Variants in SYNDIG1 observed in about 807,000 individuals in gnomAD.
SYNDIG1 encodes synapse differentiation inducing 1, also known as synapse differentiation-inducing gene protein 1.
A neutral mutation model predicts 19.4 loss-of-function variants in SYNDIG1; 9 were observed. That is an observed-to-expected ratio of 0.46 (90% CI 0.28 to 0.81). The LOEUF (loss-of-function observed/expected upper bound fraction) is 0.81, where lower values mean the gene tolerates loss of function less well. SYNDIG1 is among the 30% of genes least tolerant of loss of function. The pLI is 0.12. For missense variants in SYNDIG1, 311 were observed against 343.3 expected (o/e 0.91, Z 0.74); for synonymous variants, 141 against 145.9 (o/e 0.97, Z 0.24).
chr20:24,654,675 A>C (rs1489045669), intron 3 of SYNDIG1, among the ~76,000 whole-genome samples: 1 of 150,740 alleles, frequency 6.6e-6, no homozygotes, highest in Non-Finnish European at 1.5e-5. Context: ...GAAGGAAGGA[A>C]GGAAGGAAGG....
intron 1 of SYNDIG1, among the ~76,000 whole-genome samples, chr20:24,530,826 G>A (rs752651029): frequency 2.8e-5 from 4 of 142,318 alleles, no homozygotes; most frequent in Non-Finnish European, 4.5e-5. Flanking sequence ...TTTTTTTTTC[G>A]GAGACGGAGT....
intron 1 of SYNDIG1, among the ~76,000 whole-genome samples, chr20:24,513,690 GA>G (rs1403848877): frequency 2.0e-5 from 3 of 152,108 alleles, no homozygotes; most frequent in Admixed American, 6.6e-5. Context: ...AACCAAGTTG[GA>G]AAACACTCTG....
chr20:24,664,879 C>T lies in SYNDIG1; in HGVS notation c.619-467C>T, dbSNP rs761270749. Among the ~76,000 whole-genome samples the T allele has an allele frequency of 5.3e-5, 8 of 152,208 alleles. No homozygotes were observed. The Middle Eastern group carries it at 0.01, about 194-fold the overall frequency. ...GGAAATGGGAACTGTCATTGCCTTC[C>T]GCACACCTCCAGTGGGTAGCAGAGA... On this transcript the variant is annotated intron_variant, in intron 3 of 3. Transcript: ENST00000376862.
chr20:24,630,934 G>A (rs983090565), intron 3 of SYNDIG1, among the ~76,000 whole-genome samples: 15 of 152,366 alleles, frequency 9.8e-5, no homozygotes, highest in Non-Finnish European at 2.1e-4. Context: ...AAAGAAAGGA[G>A]GACAGCAGGA....
chr20:24,555,692 T>G (rs1239976277), intron 2 of SYNDIG1, among the ~76,000 whole-genome samples: 1 of 152,226 alleles, frequency 6.6e-6, no homozygotes, highest in Non-Finnish European at 1.5e-5. Context: ...ATTTCTGTTC[T>G]TTTACATTTG....
intron 3 of SYNDIG1, among the ~76,000 whole-genome samples, chr20:24,635,430 G>A (rs959113120): frequency 2.0e-5 from 3 of 152,116 alleles, no homozygotes; most frequent in East Asian, 1.9e-4. Context: ...ATAATTTCCC[G>A]CCCGTGATTC....
At chr20:24,490,047 T>C (rs2056102801) in intron 1 of SYNDIG1, among the ~76,000 whole-genome samples, 2 of 152,174 alleles carry the variant, frequency 1.3e-5, no homozygotes, top group South Asian at 4.1e-4. Flanking sequence ...CAGGGGAGTA[T>C]GCAGCCAGGG....
At chr20:24,534,016 G>T (rs2057313518) in intron 1 of SYNDIG1, among the ~76,000 whole-genome samples, 1 of 152,108 alleles carries the variant, frequency 6.6e-6, no homozygotes, top group Admixed American at 6.5e-5. Context: ...TTTATTCATG[G>T]AAGAAGGTGA....
At chr20:24,624,160 G>A (rs977887450) in intron 3 of SYNDIG1, among the ~76,000 whole-genome samples, 1 of 151,032 alleles carries the variant, frequency 6.6e-6, no homozygotes, top group Non-Finnish European at 1.5e-5. Flanking sequence ...TACTTGGGAG[G>A]CAGAAGAATG....
At chr20:24,519,598 T>A (rs1600505639) in intron 1 of SYNDIG1, among the ~76,000 whole-genome samples, 1 of 152,204 alleles carries the variant, frequency 6.6e-6, no homozygotes, top group South Asian at 2.1e-4. Context: ...TTTTTTACCC[T>A]CTTCCACAAA....
intron 1 of SYNDIG1, among the ~76,000 whole-genome samples, chr20:24,532,960 A>G (rs6049760): frequency 0.74 from 112,601 of 152,046 alleles, 41,879 homozygotes; most frequent in African/African-American, 0.81. Flanking sequence ...ATTTTCTTGG[A>G]AAGGGGTTGG....
intron 3 of SYNDIG1, among the ~76,000 whole-genome samples, chr20:24,639,025 T>C (rs1214048588): frequency 5.3e-5 from 8 of 151,964 alleles, no homozygotes; most frequent in Admixed American, 3.9e-4. Context: ...GCAGCAGGTG[T>C]CTGACATGGG....
intron 3 of SYNDIG1, among the ~76,000 whole-genome samples, chr20:24,597,737 T>G (rs2058618952): frequency 6.6e-6 from 1 of 152,034 alleles, no homozygotes; most frequent in Non-Finnish European, 1.5e-5. Flanking sequence ...AAAGGAGGTG[T>G]GGAAGGAGGC....
intron 1 of SYNDIG1, among the ~76,000 whole-genome samples, chr20:24,537,299 A>C (rs1263766724): frequency 6.6e-6 from 1 of 152,260 alleles, no homozygotes; most frequent in Non-Finnish European, 1.5e-5. Context: ...ATAATGAATC[A>C]CATGCACCCA....
chr20:24,539,651 C>A (rs1205457869), intron 1 of SYNDIG1, among the ~76,000 whole-genome samples: 1 of 152,194 alleles, frequency 6.6e-6, no homozygotes, highest in African/African-American at 2.4e-5. Context: ...CGCACTGAAT[C>A]TATAGATAAC....
intron 3 of SYNDIG1, among the ~76,000 whole-genome samples, chr20:24,637,341 C>A (rs1356466467): frequency 6.6e-6 from 1 of 152,132 alleles, no homozygotes; most frequent in Non-Finnish European, 1.5e-5. Flanking sequence ...GCTACATTTT[C>A]TTCAAGTCCC....
At chr20:24,637,776 G>A (rs2059330209) in intron 3 of SYNDIG1, among the ~76,000 whole-genome samples, 1 of 152,210 alleles carries the variant, frequency 6.6e-6, no homozygotes, top group South Asian at 2.1e-4. Flanking sequence ...CCACAGCAGG[G>A]CAGAGGCAGT....
chr20:24,653,924 G>A (rs566141625), intron 3 of SYNDIG1, among the ~76,000 whole-genome samples: 1 of 152,232 alleles, frequency 6.6e-6, no homozygotes, highest in South Asian at 2.1e-4. Context: ...TCCTAACAAT[G>A]CCATTTAAAC....
intron 2 of SYNDIG1, among the ~76,000 whole-genome samples, chr20:24,555,860 T>G (rs1390431419): frequency 6.6e-6 from 1 of 152,178 alleles, no homozygotes; most frequent in Non-Finnish European, 1.5e-5. Flanking sequence ...TGGGTATCCT[T>G]GTTAAATTTC....
Sources: gnomAD v4.1 joint callset for allele counts (sites outside exome capture counted in the v4.1 genomes callset) on GRCh38, gnomAD v4.1.1 for gene constraint, MANE v1.5 for transcripts, NCBI Gene and HGNC (gene_info 2026-07-23, HGNC 2026-07-21) for gene names.